Variants in KAT8 observed in about 807,000 individuals in gnomAD.
KAT8 encodes histone acetyltransferase KAT8.
KAT8 carries 40 observed loss-of-function variants against 62.9 expected under a neutral mutation model. That is an observed-to-expected ratio of 0.64 (90% CI 0.49 to 0.83). The LOEUF (loss-of-function observed/expected upper bound fraction) is 0.83. Ranked by LOEUF, KAT8 falls within the 40% of genes least tolerant of loss-of-function variation. The pLI is 0.00. For synonymous variants in KAT8, 278 were observed against 254.5 expected, an observed-to-expected ratio of 1.09 and a Z score of -0.88; for missense variants, 387 against 614.8, an observed-to-expected ratio of 0.63 and a Z score of 3.92.
chr16:31,126,965 G>A (rs2143984833), intron 3 of KAT8, 70 bp from the exon 4 acceptor site: 7 of 1,540,224 alleles, frequency 4.5e-6, no homozygotes, highest in African/African-American at 1.4e-5. Flanking sequence ...AAGCCTTGTG[G>A]GTCCTGACGG....
Position 31,120,261 on chromosome 16 carries a change from G to C in KAT8, c.286+1G>C. 6.2e-7 allele frequency: 1 copy of C among 1,614,168 alleles called. No individual in the cohort carries two copies. Among genetic ancestry groups the C allele is most frequent in the South Asian group, 1.1e-5 (1 of 91,082 alleles). ...GAATTCTATGTACACTACGTGGGCTGTGAGTGGCTTGGCACATCTGGGCGT... is the reference window on the plus strand; with the variant it reads ...GAATTCTATGTACACTACGTGGGCTCTGAGTGGCTTGGCACATCTGGGCGT... On this transcript the variant is annotated splice_donor_variant, in intron 2 of 10. Coordinates refer to ENST00000219797, the MANE Select transcript of KAT8 (RefSeq NM_032188.3). LOFTEE classifies it high-confidence loss of function.
chr16:31,128,045 A>G lies in KAT8; in HGVS notation c.682-5A>G. On this transcript the variant is annotated splice_polypyrimidine_tract_variant and splice_region_variant and intron_variant, in intron 5 of 10. Coordinates refer to ENST00000219797, the MANE Select transcript of KAT8 (RefSeq NM_032188.3). ...CAGCGAACCTGTTCTCTTGTCCCCG[A>G]CCAGGGTCAGTGCCAGTGGCGGCAG... 6.2e-7 allele frequency: 1 copy of G among 1,613,488 alleles called. No individual in the cohort carries two copies. Among genetic ancestry groups the G allele is most frequent in the South Asian group, 1.1e-5 (1 of 91,064 alleles).
chr16:31,121,538 T>G lies in KAT8; in HGVS notation c.462+1024T>G, dbSNP rs1222930318. ...CCAGACAGGAATTTGATCAACCAGC[T>G]AAATTGTGCTACCTCAGAGCCAGAG... is the stretch of plus-strand genomic sequence containing the variant. On this transcript the variant is annotated intron_variant, in intron 3 of 10. Coordinates refer to ENST00000219797, the MANE Select transcript of KAT8 (RefSeq NM_032188.3). Among the ~76,000 whole-genome samples the G allele has an allele frequency of 2.0e-5, 3 of 152,114 alleles. No homozygotes were observed. In the South Asian group the frequency reaches 6.2e-4, roughly 32 times the overall value.
chr16:31,129,260 G>A (rs28754502), intron 6 of KAT8, among the ~76,000 whole-genome samples: 6 of 152,174 alleles, frequency 3.9e-5, no homozygotes, highest in Admixed American at 3.3e-4. Context: ...CGGAGAATAC[G>A]CAGGCTGAGC....
In KAT8 at chr16:31,128,149, T is replaced by C; in HGVS notation, c.771+10T>C. ...TGGCAAAGACCATAAGGTGAGTGGG[T>C]GGCCAGGGGTTGGGAGAGGCCGGGG... On this transcript the variant is annotated intron_variant, in intron 6 of 10. Coordinates refer to ENST00000219797, the MANE Select transcript of KAT8 (RefSeq NM_032188.3). The C allele has an allele frequency of 6.2e-7, 1 of 1,610,886 alleles. No homozygotes were observed. The highest frequency in any genetic ancestry group is 8.5e-7 in the Non-Finnish European group (1 of 1,177,570).
At chr16:31,126,028 G>C (rs541991973) in intron 3 of KAT8, 1 of 152,306 alleles carries the variant, frequency 6.6e-6, no homozygotes, top group Non-Finnish European at 1.5e-5. Context: ...CTCCTGGAGG[G>C]GGTGGTAAGA....
In KAT8 at chr16:31,120,370, G is replaced by A. The variant is rs771121126; in HGVS notation, c.318G>A (p.Lys106=). The A allele has an allele frequency of 1.9e-6, 3 of 1,614,058 alleles. No homozygotes were observed. In the Admixed American group the frequency reaches 5.0e-5, roughly 27 times the overall value. The change falls in exon 3 of 11, where the codon AAG becomes AAA. Residue 106 remains lysine, a synonymous_variant. Coordinates refer to ENST00000219797, the MANE Select transcript of KAT8 (RefSeq NM_032188.3). ...FNRRLDEWVD[K]NRLALTKTVK... ...GGCGGCTGGACGAGTGGGTAGACAA[G>A]AACCGGCTGGCGCTGACCAAGACAG... is the stretch of plus-strand genomic sequence containing the variant.
chr16:31,123,068 G>A (rs1380520202), intron 3 of KAT8, among the ~76,000 whole-genome samples: 1 of 151,644 alleles, frequency 6.6e-6, no homozygotes, highest in South Asian at 2.1e-4. Context: ...CTGTAATCCC[G>A]GCTACTTAGG....
chr16:31,130,433 G>C lies in KAT8; in HGVS notation c.1007-23G>C, dbSNP rs371016611. 33 of 1,614,144 alleles carry C rather than the reference G, an allele frequency of 2.0e-5. No homozygotes were observed. The African/African-American group carries it at 4.0e-4, about 20-fold the overall frequency. On this transcript the variant is annotated intron_variant, in intron 8 of 10. Coordinates refer to ENST00000219797, the MANE Select transcript of KAT8 (RefSeq NM_032188.3). ...GGTGCCAGGGCAGGCTGGATCCTAA[G>C]TTCCTCTTTCTACTGCTGCCAGGTT...
chr16:31,130,628 T>G, intron 9 of KAT8, 22 bp downstream of exon 9: 1 of 1,613,302 alleles, frequency 6.2e-7, no homozygotes, highest in Non-Finnish European at 8.5e-7. Context: ...TCCCGGGCCC[T>G]GGGGGCAGGA....
At position 31,130,337 on chromosome 16, in the gene KAT8, A is replaced by G. The variant is rs768017290; in HGVS notation, c.983A>G (p.Tyr328Cys). Reference sequence around the variant, plus strand: ...TTGCCCCCCTACCAACGCCGCGGCTACGGGAAGTTCCTCATCGCTTTCAGT... The same window carrying G: ...TTGCCCCCCTACCAACGCCGCGGCTGCGGGAAGTTCCTCATCGCTTTCAGT... ...LTLPPYQRRGYGKFLIAFSYE... is the reference protein window; with the variant it reads ...LTLPPYQRRGCGKFLIAFSYE... The change falls in exon 8 of 11, where the codon TAC (tyrosine) becomes TGC (cysteine). Residue 328 changes from tyrosine to cysteine, a missense_variant. Around this residue, in one of 6 missense-constraint regions of KAT8, gnomAD observed 141 missense variants for 222.5 expected, o/e 0.63. Coordinates refer to ENST00000219797, the MANE Select transcript of KAT8 (RefSeq NM_032188.3). 1 of 1,614,190 alleles carries G rather than the reference A, an allele frequency of 6.2e-7. No individual in the cohort carries two copies. The highest frequency in any genetic ancestry group is 1.1e-5 in the South Asian group (1 of 91,084).
chr16:31,118,093 T>G (rs1401162428), intron 1 of KAT8: 1 of 419,640 alleles, frequency 2.4e-6, no homozygotes, highest in Non-Finnish European at 4.2e-6. Flanking sequence ...CCTTGAATTA[T>G]GCCGAGCGAC....
Position 31,120,417 on chromosome 16 carries a change from A to T in KAT8, c.365A>T (p.Asn122Ile), listed in dbSNP as rs1260267251. ...ACAGTGAAGGATGCTGTACAGAAGA[A>T]CTCAGAGAAGTACCTGAGCGAGCTC... The part of the protein sequence containing the change: ...TKTVKDAVQK[N>I]SEKYLSELAE... The change falls in exon 3 of 11, where the codon AAC (asparagine) becomes ATC (isoleucine). Residue 122 changes from asparagine (N) to isoleucine (I), a missense_variant. Around this residue, in one of 6 missense-constraint regions of KAT8, gnomAD observed 69 missense variants for 127.0 expected, o/e 0.54. Transcript: ENST00000219797. The T allele has an allele frequency of 6.2e-7, 1 of 1,614,064 alleles. No homozygotes were observed. The highest frequency in any genetic ancestry group is 8.5e-7 in the Non-Finnish European group (1 of 1,180,024).
intron 3 of KAT8, chr16:31,125,950 T>C (rs1490229592): frequency 6.6e-6 from 1 of 152,228 alleles, no homozygotes; most frequent in African/African-American, 2.4e-5. Context: ...AGTGTTGCCC[T>C]GTTGACCACT....
At chr16:31,127,627 C>G (rs2057542688) in intron 5 of KAT8, among the ~76,000 whole-genome samples, 1 of 152,240 alleles carries the variant, frequency 6.6e-6, no homozygotes, top group Non-Finnish European at 1.5e-5. Context: ...CCAAGGCCAG[C>G]TCCATCCCAG....
intron 3 of KAT8, chr16:31,125,689 C>T (rs1189751737): frequency 6.6e-6 from 1 of 151,562 alleles, no homozygotes; most frequent in Non-Finnish European, 1.5e-5. Flanking sequence ...CATATAGGCA[C>T]AGTGCTTTGT....
chr16:31,127,126 C>G (rs1345026610), intron 4 of KAT8, 38 bp downstream of exon 4: 2 of 1,613,960 alleles, frequency 1.2e-6, no homozygotes, highest in Non-Finnish European at 1.7e-6. Context: ...GGTCCCCCGT[C>G]TCCCCTTGCC....
At chr16:31,118,143 C>T in intron 1 of KAT8, 1 of 386,928 alleles carries the variant, frequency 2.6e-6, no homozygotes. Context: ...CAGGATTGTT[C>T]CCATTCCACT....
chr16:31,127,360 C>T lies in KAT8; in HGVS notation c.681+7C>T. ...GAGCTACCGCTTCCACTTGGTGAGGCTGGGCCGGCCGGGCCGAGCTGGGCA... is the reference window on the plus strand; with the variant it reads ...GAGCTACCGCTTCCACTTGGTGAGGTTGGGCCGGCCGGGCCGAGCTGGGCA... On this transcript the variant is annotated splice_region_variant and intron_variant, in intron 5 of 10. Coordinates refer to ENST00000219797, the MANE Select transcript of KAT8 (RefSeq NM_032188.3). 6.2e-7 allele frequency: 1 copy of T among 1,613,756 alleles called. No homozygotes were observed. Among genetic ancestry groups the T allele is most frequent in the South Asian group, 1.1e-5 (1 of 91,074 alleles).
Sources: allele counts gnomAD v4.1 joint callset (sites outside exome capture counted in the v4.1 genomes callset), GRCh38; gene constraint gnomAD v4.1.1; regional missense constraint gnomAD v4.1.1; transcripts MANE v1.5; gene names NCBI Gene and HGNC (gene_info 2026-07-23, HGNC 2026-07-21).